CADM2: variants seen among roughly 807,000 people sequenced by gnomAD.
CADM2 encodes immunoglobulin superfamily member 4D.
CADM2 carries 12 observed loss-of-function variants against 49.8 expected under a neutral mutation model. The observed-to-expected ratio is 0.24, with a 90% CI of 0.15 to 0.39. CADM2 has a LOEUF of 0.39. Ranked by LOEUF, CADM2 falls within the 10% of genes least tolerant of loss-of-function variation. The pLI is 1.00. For synonymous variants in CADM2, 214 were observed against 175.4 expected (o/e 1.22, Z -1.74); for missense variants, 378 against 492.3 (o/e 0.77, Z 2.20).
intron 6 of CADM2, among the ~76,000 whole-genome samples, chr3:85,930,335 G>C (rs550085431): frequency 6.6e-4 from 100 of 152,012 alleles, no homozygotes; most frequent in African/African-American, 2.4e-3. Context: ...TACATAATTG[G>C]TGTATATATT....
chr3:85,467,815 G>C (rs982804798), intron 1 of CADM2, among the ~76,000 whole-genome samples: 5 of 152,106 alleles, frequency 3.3e-5, no homozygotes, highest in African/African-American at 1.2e-4. Context: ...CTGATGTAGA[G>C]ATATGTGTGA....
At chr3:85,289,431 T>C (rs1014041179) in intron 1 of CADM2, among the ~76,000 whole-genome samples, 12 of 152,230 alleles carry the variant, frequency 7.9e-5, no homozygotes, top group Non-Finnish European at 1.2e-4. Context: ...TATTTGAGTC[T>C]AGAACTTGAC....
chr3:85,617,014 A>G (rs369141528), intron 1 of CADM2, among the ~76,000 whole-genome samples: 3 of 152,268 alleles, frequency 2.0e-5, no homozygotes, highest in African/African-American at 7.2e-5. Flanking sequence ...GCTCTCATGC[A>G]GTGATCAACA....
intron 1 of CADM2, among the ~76,000 whole-genome samples, chr3:85,469,133 C>T (rs1237293347): frequency 2.6e-5 from 4 of 152,168 alleles, no homozygotes; most frequent in East Asian, 1.9e-4. Context: ...TCAGCAAGGG[C>T]ACATACCACA....
intron 1 of CADM2, among the ~76,000 whole-genome samples, chr3:85,190,114 T>C (rs1576078649): frequency 1.3e-5 from 2 of 152,086 alleles, no homozygotes; most frequent in East Asian, 3.9e-4. Context: ...TTTTGACATA[T>C]TCTGATCTTT....
chr3:85,898,937 G>GTATATATATATATATATATATATTTA (rs1553704342), intron 5 of CADM2, among the ~76,000 whole-genome samples: 1 of 46,680 alleles, frequency 2.1e-5, no homozygotes, highest in Non-Finnish European at 3.4e-5. Flanking sequence ...CATTTATTGT[G>GTATATATATATATATATATATATTTA]TATATATATA....
At chr3:85,165,271 ATTAC>A (rs763198050) in intron 1 of CADM2, among the ~76,000 whole-genome samples, 4 of 151,970 alleles carry the variant, frequency 2.6e-5, no homozygotes, top group Non-Finnish European at 4.4e-5. Context: ...GTGAGACGAT[ATTAC>A]TTCCGCAAAG....
intron 1 of CADM2, among the ~76,000 whole-genome samples, chr3:85,027,801 C>T (rs1239296562): frequency 6.6e-6 from 1 of 152,140 alleles, no homozygotes; most frequent in East Asian, 1.9e-4. Context: ...AACTTGCTAA[C>T]ATTGCCAATA....
intron 2 of CADM2, among the ~76,000 whole-genome samples, chr3:85,780,211 G>T (rs751233443): frequency 9.9e-5 from 15 of 152,096 alleles, no homozygotes; most frequent in Non-Finnish European, 1.8e-4. Context: ...CTAGTAGGCC[G>T]ACATGTACAT....
chr3:85,122,278 A>G (rs1186338451), intron 1 of CADM2, among the ~76,000 whole-genome samples: 1 of 152,158 alleles, frequency 6.6e-6, no homozygotes, highest in Non-Finnish European at 1.5e-5. Context: ...TTCATCCTCA[A>G]GACTAATTAA....
At chr3:85,815,844 A>G (rs2073171320) in intron 3 of CADM2, among the ~76,000 whole-genome samples, 1 of 152,058 alleles carries the variant, frequency 6.6e-6, no homozygotes, top group Non-Finnish European at 1.5e-5. Flanking sequence ...TATTTAGAAA[A>G]CCTCATCATC....
At chr3:85,823,624 T>A (rs1306037378) in intron 3 of CADM2, among the ~76,000 whole-genome samples, 1 of 152,152 alleles carries the variant, frequency 6.6e-6, no homozygotes, top group East Asian at 1.9e-4. Context: ...AGATTATCCA[T>A]AATCTTCACA....
rs575062544 is a variant in CADM2, at chr3:85,426,724, TAAG to T, written c.62-299795_62-299793del. 1.6e-3 allele frequency among the ~76,000 whole-genome samples: 242 copies of T among 152,246 alleles called. 1 individual carries two copies. The highest frequency in any genetic ancestry group is 5.3e-3 in the African/African-American group (222 of 41,542). ...GTGCTTTCAAATGCAGACTATCTTT[TAAG>T]AATTTTGTGTAATAAAAATTTCCAT... On this transcript the variant is annotated intron_variant, in intron 1 of 9. Coordinates refer to ENST00000383699, the MANE Select transcript of CADM2 (RefSeq NM_001167675.2).
chr3:86,043,750 C>A (rs1736263889), intron 8 of CADM2, among the ~76,000 whole-genome samples: 1 of 152,128 alleles, frequency 6.6e-6, no homozygotes, highest in South Asian at 2.1e-4. Flanking sequence ...ACCACCTTGC[C>A]AAGTCAATCC....
At chr3:86,041,305 A>C (rs1735894776) in intron 8 of CADM2, among the ~76,000 whole-genome samples, 1 of 152,224 alleles carries the variant, frequency 6.6e-6, no homozygotes, top group African/African-American at 2.4e-5. Flanking sequence ...TAAAGAGTCA[A>C]GACCCATCAG....
intron 1 of CADM2, among the ~76,000 whole-genome samples, chr3:85,544,437 C>G (rs533307520): frequency 6.6e-6 from 1 of 152,194 alleles, no homozygotes; most frequent in South Asian, 2.1e-4. Flanking sequence ...ATTAGCCCGG[C>G]GCTGTGGCGG....
At chr3:86,057,721 G>A (rs746074709) in intron 8 of CADM2, among the ~76,000 whole-genome samples, 2 of 152,130 alleles carry the variant, frequency 1.3e-5, no homozygotes, top group Non-Finnish European at 2.9e-5. Context: ...ACTGATCACT[G>A]TTGTTCGGAC....
At chr3:86,056,743 A>G (rs976989260) in intron 8 of CADM2, among the ~76,000 whole-genome samples, 9 of 152,214 alleles carry the variant, frequency 5.9e-5, no homozygotes, top group African/African-American at 2.2e-4. Context: ...AACACTAAAA[A>G]CAAACCAAAC....
At chr3:85,943,236 C>A (rs1722192927) in intron 7 of CADM2, among the ~76,000 whole-genome samples, 1 of 139,976 alleles carries the variant, frequency 7.1e-6, no homozygotes, top group Admixed American at 7.2e-5. Flanking sequence ...TGGATATTAG[C>A]CCTTTGTCAG....
Sources: gnomAD v4.1 joint callset for allele counts (sites outside exome capture counted in the v4.1 genomes callset) on GRCh38, gnomAD v4.1.1 for gene constraint, MANE v1.5 for transcripts, NCBI Gene and HGNC (gene_info 2026-07-23, HGNC 2026-07-21) for gene names.